Variants in KIAA1549L observed in about 807,000 individuals in gnomAD.
The protein encoded by KIAA1549L is UPF0606 protein KIAA1549L.
A neutral mutation model predicts 160.7 loss-of-function variants in KIAA1549L; 88 were observed. The observed-to-expected ratio is 0.55, with a 90% CI of 0.46 to 0.65. KIAA1549L has a LOEUF of 0.65. KIAA1549L is among the 30% of genes least tolerant of loss of function. The probability of loss-of-function intolerance (pLI) is 0.00; values close to 1 mark genes in which losing one functional copy is unlikely to be tolerated. For synonymous variants in KIAA1549L, 950 were observed against 976.7 expected, an observed-to-expected ratio of 0.97 and a Z score of 0.51; for missense variants, 2,258 against 2,437.5, an observed-to-expected ratio of 0.93 and a Z score of 1.55.
chr11:33,416,208 A>C (rs1850886163), intron 1 of KIAA1549L, among the ~76,000 whole-genome samples: 1 of 152,184 alleles, frequency 6.6e-6, no homozygotes, highest in Admixed American at 6.5e-5. Context: ...GGACTCCTGA[A>C]GATAACGCTC....
chr11:33,495,975 C>T (rs976791960), intron 1 of KIAA1549L, among the ~76,000 whole-genome samples: 13 of 152,016 alleles, frequency 8.6e-5, no homozygotes, highest in Admixed American at 6.6e-5. Context: ...TTATTATTGT[C>T]ATTTTGAGAT....
chr11:33,658,628 G>A, intron 18 of KIAA1549L, 122 bp from the exon 19 acceptor site: 1 of 940,048 alleles, frequency 1.1e-6, no homozygotes. Context: ...ATCCAGTCCT[G>A]GGGACCTCAT....
chr11:33,411,840 C>G (rs902170471), intron 1 of KIAA1549L, among the ~76,000 whole-genome samples: 1 of 152,168 alleles, frequency 6.6e-6, no homozygotes, highest in East Asian at 1.9e-4. Flanking sequence ...TATTAAGAGA[C>G]CAAGTTGGAG....
At chr11:33,445,245 T>C (rs1446327888) in intron 1 of KIAA1549L, among the ~76,000 whole-genome samples, 1 of 152,178 alleles carries the variant, frequency 6.6e-6, no homozygotes, top group Non-Finnish European at 1.5e-5. Flanking sequence ...TGGGGGTGGC[T>C]GCTGGGAGAG....
rs965006913 is a variant in KIAA1549L at position 33,541,842 on chromosome 11, G to A, written c.279G>A (p.Glu93=). The A allele has an allele frequency of 3.5e-4, 102 of 293,656 alleles. No individual in the cohort carries two copies. Among genetic ancestry groups the A allele is most frequent in the African/African-American group, 1.9e-3 (86 of 45,906 alleles). 18.2% of individuals were successfully genotyped at this position (293,656 alleles called of 1,614,324 possible). A position where few individuals can be genotyped will look rare whatever the true frequency, so the allele number is the denominator to read the frequency against. Residue 93 remains glutamate (E), a synonymous_variant, in exon 2 of 21, where the codon GAG becomes GAA. Coordinates refer to ENST00000658780, the MANE Select transcript of KIAA1549L (RefSeq NM_012194.3). ...NLQMNVTRTP[E]SFPPGKLLPI... is the part of the protein sequence containing the mutation. ...AGATGAATGTCACCCGGACTCCAGA[G>A]TCATTTCCTCCCGGGAAATTGTTAC... is the stretch of plus-strand genomic sequence containing the variant.
intron 1 of KIAA1549L, among the ~76,000 whole-genome samples, chr11:33,540,328 AAAG>A (rs1392645152): frequency 1.3e-5 from 2 of 152,384 alleles, no homozygotes; most frequent in East Asian, 3.9e-4. Flanking sequence ...CAAAGGTACA[AAAG>A]AAGAAATCCT....
At chr11:33,642,598 G>C (rs183276099) in intron 16 of KIAA1549L, among the ~76,000 whole-genome samples, 12 of 151,606 alleles carry the variant, frequency 7.9e-5, no homozygotes, top group Non-Finnish European at 1.3e-4. Flanking sequence ...GAGTGGTTTG[G>C]GGGGGTGGAA....
intron 8 of KIAA1549L, among the ~76,000 whole-genome samples, chr11:33,567,172 C>T (rs776149757): frequency 3.5e-4 from 54 of 152,172 alleles, no homozygotes; most frequent in Non-Finnish European, 6.5e-4. Context: ...ACTGCAGATG[C>T]CCTGGCTATA....
chr11:33,430,039 CT>C (rs1433677858), intron 1 of KIAA1549L, among the ~76,000 whole-genome samples: 57 of 147,562 alleles, frequency 3.9e-4, no homozygotes, highest in Non-Finnish European at 5.8e-4. Context: ...TCCTTCCTTC[CT>C]TCCTTCCTCC....
chr11:33,527,351 C>T (rs1423296464), intron 1 of KIAA1549L, among the ~76,000 whole-genome samples: 1 of 152,114 alleles, frequency 6.6e-6, no homozygotes, highest in East Asian at 1.9e-4. Flanking sequence ...GGAAAGGATA[C>T]CTTATTCAAC....
intron 20 of KIAA1549L, among the ~76,000 whole-genome samples, chr11:33,661,272 A>G (rs1370814277): frequency 1.3e-5 from 2 of 152,244 alleles, no homozygotes; most frequent in East Asian, 3.8e-4. Flanking sequence ...GTACATTTTT[A>G]TAATAATAAC....
chr11:33,617,133 C>CAAAAAA (rs59233344), intron 15 of KIAA1549L, among the ~76,000 whole-genome samples: 22 of 89,586 alleles, frequency 2.5e-4, no homozygotes, highest in African/African-American at 8.4e-4. Flanking sequence ...GAGATTCTAT[C>CAAAAAA]AAAAAAAAAA....
intron 17 of KIAA1549L, among the ~76,000 whole-genome samples, chr11:33,653,383 C>A (rs1851951730): frequency 6.6e-6 from 1 of 152,180 alleles, no homozygotes; most frequent in African/African-American, 2.4e-5. Context: ...CATTCTTGTT[C>A]TAGAAAGATA....
At chr11:33,471,348 A>G (rs1852174119) in intron 1 of KIAA1549L, among the ~76,000 whole-genome samples, 1 of 151,524 alleles carries the variant, frequency 6.6e-6, no homozygotes, top group Non-Finnish European at 1.5e-5. Flanking sequence ...AAACTTAGCC[A>G]CTTCATTAGT....
At chr11:33,624,732 C>CTTT (rs935570970) in intron 16 of KIAA1549L, among the ~76,000 whole-genome samples, 3 of 127,102 alleles carry the variant, frequency 2.4e-5, no homozygotes, top group African/African-American at 5.8e-5. Flanking sequence ...AAGAGATTTT[C>CTTT]TTTTTTTTTT....
intron 1 of KIAA1549L, among the ~76,000 whole-genome samples, chr11:33,428,609 G>A (rs751262441): frequency 5.3e-5 from 8 of 152,176 alleles, no homozygotes; most frequent in Non-Finnish European, 7.3e-5. Flanking sequence ...CTTCATCCAT[G>A]TCCCTACAAA....
At chr11:33,479,852 A>C (rs190397657) in intron 1 of KIAA1549L, among the ~76,000 whole-genome samples, 3 of 152,200 alleles carry the variant, frequency 2.0e-5, no homozygotes, top group Non-Finnish European at 4.4e-5. Flanking sequence ...AGGACCAAGC[A>C]AGGTAGCAGA....
chr11:33,394,376 A>C (rs965462909), intron 1 of KIAA1549L, among the ~76,000 whole-genome samples: 17 of 151,186 alleles, frequency 1.1e-4, no homozygotes, highest in Admixed American at 3.3e-4. Flanking sequence ...ACAGAGCCAG[A>C]TCCTAACTCA....
chr11:33,640,454 C>T lies in KIAA1549L; in HGVS notation c.5410-5232C>T, dbSNP rs568676005. Among the ~76,000 whole-genome samples, 4 of 152,316 alleles carry T rather than the reference C, an allele frequency of 2.6e-5. No homozygotes were observed. The East Asian group carries it at 7.7e-4, about 29-fold the overall frequency. On this transcript the variant is annotated intron_variant, in intron 16 of 20. Coordinates refer to ENST00000658780, the MANE Select transcript of KIAA1549L (RefSeq NM_012194.3). Reference sequence around the variant, plus strand: ...CTCTTCTGCCTCTCATTGCCCATCCCCACTTCCTAGTCTCCATCACGCACA... The same window carrying T: ...CTCTTCTGCCTCTCATTGCCCATCCTCACTTCCTAGTCTCCATCACGCACA...
Sources: allele counts gnomAD v4.1 joint callset (sites outside exome capture counted in the v4.1 genomes callset), GRCh38; gene constraint gnomAD v4.1.1; transcripts MANE v1.5; gene names NCBI Gene and HGNC (gene_info 2026-07-23, HGNC 2026-07-21).